TULP3: variants seen among roughly 807,000 people sequenced by gnomAD.
TULP3 encodes TUB like protein 3, also known as tubby-related protein 3.
TULP3 carries 38 observed loss-of-function variants against 50.7 expected under a neutral mutation model. The ratio of observed to expected loss-of-function variants is 0.75; its 90% confidence interval spans 0.58 to 0.98. The LOEUF (loss-of-function observed/expected upper bound fraction) is 0.98. Among genes scored for constraint, TULP3 ranks in the 50% least tolerant of loss-of-function variants. The pLI is 0.00. For missense variants in TULP3, 550 were observed against 568.0 expected (o/e 0.97, Z 0.32); for synonymous variants, 183 against 196.6 (o/e 0.93, Z 0.58).
intron 4 of TULP3, among the ~76,000 whole-genome samples, chr12:2,929,266 G>T (rs905338234): frequency 1.2e-4 from 18 of 151,860 alleles, no homozygotes; most frequent in Non-Finnish European, 2.4e-4. Flanking sequence ...GCAGTGAGTC[G>T]AGATCGCGCC....
intron 5 of TULP3, among the ~76,000 whole-genome samples, chr12:2,930,733 T>C (rs1453653525): frequency 6.6e-6 from 1 of 152,160 alleles, no homozygotes; most frequent in African/African-American, 2.4e-5. Flanking sequence ...CTCAAACATA[T>C]CTTCAGTATT....
chr12:2,923,726 C>T (rs2098193097), intron 4 of TULP3, among the ~76,000 whole-genome samples: 1 of 151,444 alleles, frequency 6.6e-6, no homozygotes, highest in African/African-American at 2.4e-5. Flanking sequence ...AATCCTAACA[C>T]TCTGGGAGGC....
intron 4 of TULP3, among the ~76,000 whole-genome samples, chr12:2,925,663 AT>A (rs2098194290): frequency 6.6e-6 from 1 of 152,144 alleles, no homozygotes; most frequent in Non-Finnish European, 1.5e-5. Flanking sequence ...CTTTCCTATT[AT>A]TTTACTACCA....
chr12:2,935,862 G>A (rs367955276), intron 8 of TULP3, among the ~76,000 whole-genome samples: 90 of 152,170 alleles, frequency 5.9e-4, no homozygotes, highest in Middle Eastern at 6.8e-3. Context: ...CAGCTACTGG[G>A]GGCACTGAGG....
chr12:2,920,726 ACT>A (rs780419258), intron 2 of TULP3, 35 bp from the exon 3 acceptor site: 1 of 1,610,644 alleles, frequency 6.2e-7, no homozygotes, highest in African/African-American at 1.3e-5. Context: ...TCATGTCAAA[ACT>A]CTCCTTGCTG....
intron 2 of TULP3, among the ~76,000 whole-genome samples, chr12:2,919,404 C>G (rs2153949482): frequency 6.6e-6 from 1 of 152,278 alleles, no homozygotes; most frequent in South Asian, 2.1e-4. Context: ...TCTTTTCCCT[C>G]TATATGCAAG....
chr12:2,910,298 C>T (rs371533504), intron 2 of TULP3, among the ~76,000 whole-genome samples: 92 of 151,824 alleles, frequency 6.1e-4, no homozygotes, highest in Middle Eastern at 6.8e-3. Context: ...AAATCCCCAT[C>T]GCATAGAGAA....
chr12:2,919,665 C>T (rs1335098457), intron 2 of TULP3, among the ~76,000 whole-genome samples: 1 of 151,954 alleles, frequency 6.6e-6, no homozygotes, highest in Non-Finnish European at 1.5e-5. Context: ...TCTGAGTTAT[C>T]CCAGATCAAT....
At chr12:2,918,689 G>T (rs560559562) in intron 2 of TULP3, among the ~76,000 whole-genome samples, 1 of 151,538 alleles carries the variant, frequency 6.6e-6, no homozygotes, top group African/African-American at 2.4e-5. Flanking sequence ...ACAGGCATGC[G>T]CCGCCACATC....
Position 2,931,019 on chromosome 12 carries a change from G to T in TULP3, c.493-18G>T. 1.2e-6 allele frequency: 2 copies of T among 1,613,950 alleles called. No homozygotes were observed. Among genetic ancestry groups the T allele is most frequent in the Non-Finnish European group, 1.7e-6 (2 of 1,179,906 alleles). On this transcript the variant is annotated intron_variant, in intron 5 of 10. Coordinates refer to ENST00000448120, the MANE Select transcript of TULP3 (RefSeq NM_003324.5). Reference sequence around the variant, plus strand: ...TGAGTCTCGGCCTGTTGTTGCTCATGTATGGCTGTCCTTTCAGGATACAGG... The same window carrying T: ...TGAGTCTCGGCCTGTTGTTGCTCATTTATGGCTGTCCTTTCAGGATACAGG...
chr12:2,902,081 T>C (rs1452414305), intron 1 of TULP3, among the ~76,000 whole-genome samples: 1 of 152,202 alleles, frequency 6.6e-6, no homozygotes, highest in Non-Finnish European at 1.5e-5. Context: ...TATGTTTATT[T>C]CTGATAGGTT....
chr12:2,892,382 G>A (rs1167623781), intron 1 of TULP3, among the ~76,000 whole-genome samples: 8 of 151,830 alleles, frequency 5.3e-5, no homozygotes, highest in Non-Finnish European at 7.4e-5. Context: ...AGTTGTGGGC[G>A]CTCAGTTTTA....
Position 2,917,459 on chromosome 12 carries a change from G to A in TULP3, c.94-3304G>A, listed in dbSNP as rs558529924. On this transcript the variant is annotated intron_variant, in intron 2 of 10. Transcript: ENST00000448120. ...TGCACTCCAGCCTGGGCAACACAGC[G>A]AGACTCTGTCTCAAAAAAAAAAAAA... is the stretch of plus-strand genomic sequence containing the variant. Among the ~76,000 whole-genome samples, 287 of 145,836 alleles carry A rather than the reference G, an allele frequency of 2.0e-3. 1 individual carries two copies. Among genetic ancestry groups the A allele is most frequent in the African/African-American group, 7.0e-3 (276 of 39,538 alleles).
At position 2,939,864 on chromosome 12, in the gene TULP3, A is replaced by G; in HGVS notation, c.*420A>G. ...CCAGGTTTCATAGACTTGGTGAGGG[A>G]TCACAGCTTAGCATGGGTGAGAGAT... On this transcript the variant is annotated 3_prime_UTR_variant, in exon 11 of 11. Transcript: ENST00000448120. This position sits in a 1 kb window ranked among gnomAD's most constrained non-coding sequence, Gnocchi z 4.0. 8.3e-7 allele frequency: 1 copy of G among 1,206,660 alleles called. No homozygotes were observed. The highest frequency in any genetic ancestry group is 1.1e-6 in the Non-Finnish European group (1 of 948,418). The allele number at this position is 1,206,660 out of a possible 1,614,324, so 74.7% of individuals were successfully genotyped here.
In TULP3 at chr12:2,890,983, C is replaced by T. The variant is rs775280107; in HGVS notation, c.36C>T (p.Gly12=). 7.5e-6 allele frequency: 12 copies of T among 1,592,942 alleles called. No homozygotes were observed. The East Asian group carries it at 2.5e-4, about 34-fold the overall frequency. ...CGCGCTGCCGGCTCAGTCCCAGCGG[C>T]GACAGGTCAGACAGGGCCGTGGCAG... ...EASRCRLSPS[G]DSVFHEEMMK... The change falls in exon 1 of 11, where the codon GGC becomes GGT. Residue 12 remains glycine (G), a synonymous_variant. Transcript: ENST00000448120.
At chr12:2,911,928 A>G (rs1274536097) in intron 2 of TULP3, among the ~76,000 whole-genome samples, 1 of 151,624 alleles carries the variant, frequency 6.6e-6, no homozygotes, top group Non-Finnish European at 1.5e-5. Flanking sequence ...GTTTTAGTTC[A>G]GTCTGGGCAA....
intron 1 of TULP3, among the ~76,000 whole-genome samples, chr12:2,891,796 T>G (rs1383547782): frequency 6.6e-6 from 1 of 152,066 alleles, no homozygotes; most frequent in Non-Finnish European, 1.5e-5. Context: ...AACACGTCTA[T>G]TATCCCCAGC....
chr12:2,893,870 C>CT (rs1438466690), intron 1 of TULP3, among the ~76,000 whole-genome samples: 3 of 151,230 alleles, frequency 2.0e-5, no homozygotes, highest in African/African-American at 7.3e-5. Context: ...TCTTGAAGTC[C>CT]TGGTCTCAAG....
chr12:2,925,625 T>C (rs908017737), intron 4 of TULP3, among the ~76,000 whole-genome samples: 26 of 152,214 alleles, frequency 1.7e-4, no homozygotes, highest in Admixed American at 1.7e-3. Context: ...ACAGTTTTCC[T>C]GTCTTTAACA....
Sources: gnomAD v4.1 joint callset for allele counts (sites outside exome capture counted in the v4.1 genomes callset) on GRCh38, gnomAD v4.1.1 for gene constraint, Gnocchi (gnomAD v3.1) non-coding constraint, MANE v1.5 for transcripts, NCBI Gene and HGNC (gene_info 2026-07-23, HGNC 2026-07-21) for gene names.